Variants in LYPD6B observed in about 807,000 individuals in gnomAD.
The protein encoded by LYPD6B is LY6/PLAUR domain containing 6B.
Under a neutral mutation model 22.8 loss-of-function variants are expected in LYPD6B, and 17 were observed. The ratio of observed to expected loss-of-function variants is 0.75; its 90% CI spans 0.51 to 1.12. The LOEUF (loss-of-function observed/expected upper bound fraction) is 1.12. Ranked by LOEUF, LYPD6B falls within the 50% of genes most tolerant of loss-of-function variation. The pLI, the probability that LYPD6B is intolerant of heterozygous loss-of-function variation, is 0.00. For synonymous variants in LYPD6B, 106 were observed against 91.6 expected, an observed-to-expected ratio of 1.16 and a Z score of -0.90; for missense variants, 221 against 258.3, an observed-to-expected ratio of 0.86 and a Z score of 0.99.
intron 1 of LYPD6B, among the ~76,000 whole-genome samples, chr2:149,109,695 C>T (rs551432918): frequency 3.9e-5 from 6 of 151,900 alleles, no homozygotes; most frequent in African/African-American, 1.2e-4. Context: ...CTTATGTTCC[C>T]TTTATTTATT....
intron 5 of LYPD6B, among the ~76,000 whole-genome samples, chr2:149,212,272 C>T (rs2106181922): frequency 7.0e-6 from 1 of 143,430 alleles, no homozygotes; most frequent in East Asian, 2.2e-4. Context: ...GTCCCAGCTA[C>T]TCAGGAGGTT....
chr2:149,067,367 T>G (rs921799709), intron 1 of LYPD6B, among the ~76,000 whole-genome samples: 8 of 152,150 alleles, frequency 5.3e-5, no homozygotes, highest in African/African-American at 1.9e-4. Flanking sequence ...TTTAATAATT[T>G]AAACATCTTT....
Position 149,040,643 on chromosome 2 carries a change from C to T in LYPD6B, c.-67+1842C>T, listed in dbSNP as rs529674695. ...GACCGACTGTGATTGATAGACTGGC[C>T]CACCTCTGCTGCAAGGCATGTCGGT... On this transcript the variant is annotated intron_variant, in intron 1 of 6. Coordinates refer to ENST00000409642, the MANE Select transcript of LYPD6B (RefSeq NM_177964.5). 1.2e-4 allele frequency among the ~76,000 whole-genome samples: 19 copies of T among 152,266 alleles called. 1 individual carries two copies. In the South Asian group the frequency reaches 3.9e-3, roughly 32 times the overall value.
chr2:149,113,737 T>C (rs950156974), intron 1 of LYPD6B, among the ~76,000 whole-genome samples: 2 of 152,170 alleles, frequency 1.3e-5, no homozygotes, highest in African/African-American at 4.8e-5. Context: ...GCTGTTTTAA[T>C]TGGAACACTC....
intron 2 of LYPD6B, among the ~76,000 whole-genome samples, chr2:149,152,213 G>A (rs1372018087): frequency 2.6e-5 from 4 of 152,016 alleles, no homozygotes; most frequent in African/African-American, 7.3e-5. Context: ...ATCACCAAAC[G>A]CAGGCTCCTT....
intron 1 of LYPD6B, among the ~76,000 whole-genome samples, chr2:149,117,695 G>C (rs1687075329): frequency 6.6e-6 from 1 of 152,034 alleles, no homozygotes; most frequent in South Asian, 2.1e-4. Flanking sequence ...ATGTTCTTTG[G>C]GTTATGTAGC....
intron 3 of LYPD6B, among the ~76,000 whole-genome samples, chr2:149,201,515 T>C (rs894425669): frequency 1.6e-4 from 24 of 152,342 alleles, no homozygotes; most frequent in South Asian, 2.1e-4. Flanking sequence ...AACTGTCAGC[T>C]ACTATAGTTA....
chr2:149,045,878 G>C (rs1683283366), intron 1 of LYPD6B, among the ~76,000 whole-genome samples: 1 of 152,072 alleles, frequency 6.6e-6, no homozygotes, highest in Admixed American at 6.5e-5. Context: ...TGATGGGTGG[G>C]ATGTTCCAGA....
intron 1 of LYPD6B, among the ~76,000 whole-genome samples, chr2:149,063,328 A>G (rs1013185408): frequency 6.6e-6 from 1 of 152,160 alleles, no homozygotes; most frequent in African/African-American, 2.4e-5. Flanking sequence ...GCCCCGCCCC[A>G]TAACACTATT....
chr2:149,125,533 G>A (rs957166982), intron 1 of LYPD6B, among the ~76,000 whole-genome samples: 1 of 152,090 alleles, frequency 6.6e-6, no homozygotes, highest in Non-Finnish European at 1.5e-5. Context: ...ATTAGGTTAG[G>A]AGGGAAAGTG....
At chr2:149,099,832 GAGTT>G (rs1210071775) in intron 1 of LYPD6B, among the ~76,000 whole-genome samples, 9 of 152,184 alleles carry the variant, frequency 5.9e-5, no homozygotes, top group Admixed American at 1.3e-4. Flanking sequence ...ACTATGATGA[GAGTT>G]AGACCATTCG....
At chr2:149,054,770 C>G (rs1683712429) in intron 1 of LYPD6B, among the ~76,000 whole-genome samples, 1 of 151,964 alleles carries the variant, frequency 6.6e-6, no homozygotes, top group Non-Finnish European at 1.5e-5. Flanking sequence ...TTCCAGCTAC[C>G]CAGGTGGCTG....
intron 2 of LYPD6B, among the ~76,000 whole-genome samples, chr2:149,153,720 A>T (rs1183342110): frequency 6.6e-6 from 1 of 152,014 alleles, no homozygotes; most frequent in Non-Finnish European, 1.5e-5. Flanking sequence ...GATTGCAGTG[A>T]GCCGAGATCG....
chr2:149,145,270 A>G (rs536099871), intron 2 of LYPD6B, among the ~76,000 whole-genome samples: 1 of 152,170 alleles, frequency 6.6e-6, no homozygotes, highest in African/African-American at 2.4e-5. Context: ...TTAGAGAGAA[A>G]CCCTTCTCAA....
chr2:149,117,204 A>G (rs934014191), intron 1 of LYPD6B, among the ~76,000 whole-genome samples: 1 of 151,320 alleles, frequency 6.6e-6, no homozygotes. Flanking sequence ...AATATACTAC[A>G]TATTTACTAT....
At chr2:149,082,925 A>G (rs1426928563) in intron 1 of LYPD6B, among the ~76,000 whole-genome samples, 1 of 152,186 alleles carries the variant, frequency 6.6e-6, no homozygotes, top group Non-Finnish European at 1.5e-5. Context: ...TAAGGAATTC[A>G]GGGTGTGGAA....
chr2:149,068,692 G>C (rs1684454693), intron 1 of LYPD6B: 1 of 550,864 alleles, frequency 1.8e-6, no homozygotes, highest in Non-Finnish European at 3.6e-6. Context: ...AGGTTGGCAT[G>C]CATTTGACTT....
intron 3 of LYPD6B, among the ~76,000 whole-genome samples, chr2:149,176,287 G>A (rs1007690874): frequency 7.2e-5 from 11 of 152,278 alleles, no homozygotes; most frequent in East Asian, 1.9e-4. Flanking sequence ...CTGTATGTGC[G>A]TGTGTGCACA....
chr2:149,072,367 A>G (rs1684645490), intron 1 of LYPD6B, among the ~76,000 whole-genome samples: 1 of 151,936 alleles, frequency 6.6e-6, no homozygotes. Flanking sequence ...GACTTTCAGC[A>G]CATGTGCCTC....
Sources: allele counts gnomAD v4.1 joint callset (sites outside exome capture counted in the v4.1 genomes callset), GRCh38; gene constraint gnomAD v4.1.1; transcripts MANE v1.5; gene names NCBI Gene and HGNC (gene_info 2026-07-23, HGNC 2026-07-21).